Variants in CCDC172 observed in about 807,000 individuals in gnomAD.
The protein encoded by CCDC172 is coiled-coil domain-containing protein 172.
Under a neutral mutation model 38.0 loss-of-function variants are expected in CCDC172, and 30 were observed. The ratio of observed to expected loss-of-function variants is 0.79; its 90% confidence interval spans 0.59 to 1.07. The LOEUF (loss-of-function observed/expected upper bound fraction) is 1.07. Among genes scored for constraint, CCDC172 ranks in the 50% least tolerant of loss-of-function variants. The pLI is 0.00. For missense variants in CCDC172, 297 were observed against 290.1 expected, an observed-to-expected ratio of 1.02 and a Z score of -0.17; for synonymous variants, 78 against 88.3, an observed-to-expected ratio of 0.88 and a Z score of 0.66.
At chr10:116,345,240 G>C (rs1447594231) in intron 5 of CCDC172, among the ~76,000 whole-genome samples, 2 of 152,186 alleles carry the variant, frequency 1.3e-5, no homozygotes, top group African/African-American at 4.8e-5. Context: ...AGGCAGTTCA[G>C]TGGGAAAAGG....
chr10:116,358,291 C>T (rs973149359), intron 7 of CCDC172, among the ~76,000 whole-genome samples: 3 of 151,992 alleles, frequency 2.0e-5, no homozygotes, highest in Non-Finnish European at 2.9e-5. Flanking sequence ...TAGATTCCAG[C>T]GGTGGGAGGA....
At chr10:116,365,464 T>A (rs763207916) in intron 7 of CCDC172, among the ~76,000 whole-genome samples, 13 of 152,146 alleles carry the variant, frequency 8.5e-5, no homozygotes, top group Non-Finnish European at 1.3e-4. Context: ...ACCATTTTAT[T>A]TGAAAAATAA....
At chr10:116,359,358 T>A (rs1242037224) in intron 7 of CCDC172, among the ~76,000 whole-genome samples, 2 of 152,240 alleles carry the variant, frequency 1.3e-5, no homozygotes, top group Non-Finnish European at 2.9e-5. Flanking sequence ...CATCTCTGTG[T>A]TCAAATGTAT....
chr10:116,368,376 T>G (rs1845148257), intron 7 of CCDC172, among the ~76,000 whole-genome samples: 1 of 152,116 alleles, frequency 6.6e-6, no homozygotes, highest in Non-Finnish European at 1.5e-5. Flanking sequence ...TATTTATTAA[T>G]TGGTAAAGTT....
chr10:116,346,153 G>A (rs144886765), intron 5 of CCDC172, among the ~76,000 whole-genome samples: 2,252 of 151,966 alleles, frequency 0.015, 44 homozygotes, highest in African/African-American at 0.051. Context: ...TTAGCCGGGC[G>A]TGGTGTCGGG....
intron 4 of CCDC172, 129 bp from the exon 5 acceptor site, chr10:116,341,907 C>G (rs894994195): frequency 1.7e-6 from 1 of 596,462 alleles, no homozygotes; most frequent in Admixed American, 4.9e-5. Context: ...AACATTTTTG[C>G]CATAAAACCA....
intron 7 of CCDC172, among the ~76,000 whole-genome samples, chr10:116,374,012 C>T (rs752158311): frequency 2.0e-5 from 3 of 152,122 alleles, no homozygotes; most frequent in Non-Finnish European, 2.9e-5. Context: ...AAATTGCACA[C>T]CATTCTGAGT....
chr10:116,334,315 A>G (rs892588690), intron 3 of CCDC172, among the ~76,000 whole-genome samples: 3 of 152,208 alleles, frequency 2.0e-5, no homozygotes, highest in African/African-American at 7.2e-5. Flanking sequence ...ATTACTTTTC[A>G]AAATTAAGAT....
intron 7 of CCDC172, among the ~76,000 whole-genome samples, chr10:116,377,691 T>C (rs1406051746): frequency 6.6e-6 from 1 of 151,972 alleles, no homozygotes; most frequent in African/African-American, 2.4e-5. Flanking sequence ...ATAGTTTACT[T>C]TTAGATCAAG....
chr10:116,333,020 G>A (rs1844685137), intron 3 of CCDC172, among the ~76,000 whole-genome samples: 1 of 151,904 alleles, frequency 6.6e-6, no homozygotes, highest in African/African-American at 2.4e-5. Context: ...AGCTTGTTCT[G>A]TTTTTATCTT....
intron 7 of CCDC172, among the ~76,000 whole-genome samples, chr10:116,359,651 C>A (rs184811196): frequency 9.2e-5 from 14 of 152,202 alleles, no homozygotes; most frequent in South Asian, 2.1e-4. Context: ...GTTGCAAAGT[C>A]CCCCCAAGTT....
intron 7 of CCDC172, among the ~76,000 whole-genome samples, chr10:116,367,749 C>T (rs1483459618): frequency 6.6e-6 from 1 of 152,016 alleles, no homozygotes; most frequent in Non-Finnish European, 1.5e-5. Flanking sequence ...TAATATTTCC[C>T]CTGTTATCTT....
At chr10:116,363,987 A>G (rs765126262) in intron 7 of CCDC172, among the ~76,000 whole-genome samples, 4 of 152,036 alleles carry the variant, frequency 2.6e-5, no homozygotes, top group South Asian at 4.1e-4. Context: ...TGTCAATAAA[A>G]GTCATCAAGA....
intron 4 of CCDC172, 124 bp downstream of exon 4, chr10:116,340,974 A>C (rs1322852990): frequency 1.5e-6 from 1 of 685,186 alleles, no homozygotes. Flanking sequence ...GCTCAGATAC[A>C]GGAAAGTATT....
intron 5 of CCDC172, among the ~76,000 whole-genome samples, chr10:116,353,967 C>T (rs1191910232): frequency 6.6e-6 from 1 of 152,100 alleles, no homozygotes; most frequent in Non-Finnish European, 1.5e-5. Flanking sequence ...CTAGAGTTAC[C>T]ATATGATTCA....
intron 1 of CCDC172, 107 bp downstream of exon 1, chr10:116,324,720 C>T (rs1844567978): frequency 5.7e-6 from 2 of 352,916 alleles, no homozygotes; most frequent in Admixed American, 4.4e-5. Flanking sequence ...CTTGAAACTG[C>T]CCTCTTAGGG....
intron 3 of CCDC172, among the ~76,000 whole-genome samples, chr10:116,335,855 A>G (rs1844724640): frequency 6.6e-6 from 1 of 151,840 alleles, no homozygotes; most frequent in South Asian, 2.1e-4. Flanking sequence ...GTTTCTCTGT[A>G]TATTTTCTTG....
At chr10:116,372,174 A>G (rs781447453) in intron 7 of CCDC172, among the ~76,000 whole-genome samples, 6 of 152,006 alleles carry the variant, frequency 3.9e-5, no homozygotes, top group Admixed American at 6.6e-5. Flanking sequence ...TACATAACTT[A>G]TAGGTAGTTT....
At chr10:116,378,349 C>G in intron 7 of CCDC172, 74 bp from the exon 8 acceptor site, 1 of 1,399,788 alleles carries the variant, frequency 7.1e-7, no homozygotes, top group East Asian at 2.7e-5. Flanking sequence ...AAGCTACAAA[C>G]TTGTCCCTCT....
Sources: allele counts gnomAD v4.1 joint callset (sites outside exome capture counted in the v4.1 genomes callset), GRCh38; gene constraint gnomAD v4.1.1; transcripts MANE v1.5; gene names NCBI Gene and HGNC (gene_info 2026-07-23, HGNC 2026-07-21).